Variants in ANKRD55 observed in about 807,000 individuals in gnomAD.
ANKRD55 encodes the protein ankyrin repeat domain-containing protein 55.
ANKRD55 carries 41 observed loss-of-function variants against 60.6 expected under a neutral mutation model. That is an observed-to-expected ratio of 0.68 (90% CI 0.53 to 0.88). ANKRD55 has a LOEUF of 0.88. ANKRD55 is among the 40% of genes least tolerant of loss of function. The pLI, the probability that ANKRD55 is intolerant of heterozygous loss-of-function variation, is 0.00. For synonymous variants in ANKRD55, 264 were observed against 290.3 expected, an observed-to-expected ratio of 0.91 and a Z score of 0.92; for missense variants, 732 against 767.6, an observed-to-expected ratio of 0.95 and a Z score of 0.55.
chr5:56,129,087 G>T (rs146466021), intron 7 of ANKRD55, among the ~76,000 whole-genome samples: 3 of 152,190 alleles, frequency 2.0e-5, no homozygotes, highest in Non-Finnish European at 4.4e-5. Context: ...ACACTAGTTT[G>T]TAAGTCAAGG....
chr5:56,219,039 G>A (rs915478676), intron 2 of ANKRD55, among the ~76,000 whole-genome samples: 5 of 152,042 alleles, frequency 3.3e-5, no homozygotes, highest in South Asian at 2.1e-4. Context: ...TTGGGAGGCC[G>A]AGGCGGGCGG....
chr5:56,217,845 G>A (rs1392648673), intron 2 of ANKRD55, among the ~76,000 whole-genome samples: 4 of 151,120 alleles, frequency 2.6e-5, no homozygotes, highest in Admixed American at 6.6e-5. Flanking sequence ...GCAGTGAGCC[G>A]AGATTGTGCC....
intron 2 of ANKRD55, among the ~76,000 whole-genome samples, chr5:56,204,474 C>A (rs999047568): frequency 1.3e-5 from 2 of 152,148 alleles, no homozygotes; most frequent in African/African-American, 2.4e-5. Flanking sequence ...ACATATAATT[C>A]TTTAATCCAT....
chr5:56,153,376 T>C (rs928523885), intron 6 of ANKRD55, among the ~76,000 whole-genome samples: 2 of 152,208 alleles, frequency 1.3e-5, no homozygotes, highest in Non-Finnish European at 2.9e-5. Context: ...ATTATTCTTT[T>C]AAGAGAAATG....
chr5:56,151,883 A>G (rs1758059262), intron 6 of ANKRD55, among the ~76,000 whole-genome samples: 1 of 149,858 alleles, frequency 6.7e-6, no homozygotes, highest in African/African-American at 2.4e-5. Context: ...GTATATATAC[A>G]TATACATACA....
chr5:56,230,010 G>A (rs972541390), intron 2 of ANKRD55, among the ~76,000 whole-genome samples: 2 of 152,222 alleles, frequency 1.3e-5, no homozygotes, highest in African/African-American at 4.8e-5. Flanking sequence ...TTCCCAAGGA[G>A]TGTTGGTTGG....
intron 8 of ANKRD55, among the ~76,000 whole-genome samples, chr5:56,117,361 A>G (rs961335001): frequency 6.6e-6 from 1 of 152,164 alleles, no homozygotes; most frequent in Admixed American, 6.5e-5. Flanking sequence ...ACTAATTTGT[A>G]TGTGCTCTTT....
At chr5:56,189,642 A>C (rs1019795627) in intron 2 of ANKRD55, among the ~76,000 whole-genome samples, 2 of 152,204 alleles carry the variant, frequency 1.3e-5, no homozygotes, top group African/African-American at 4.8e-5. Flanking sequence ...CATGTTGTAG[A>C]ATGTGTCAGA....
chr5:56,210,967 C>T (rs1047081374), intron 2 of ANKRD55, among the ~76,000 whole-genome samples: 1 of 152,158 alleles, frequency 6.6e-6, no homozygotes, highest in African/African-American at 2.4e-5. Flanking sequence ...TTAGAGGAGG[C>T]TCCTCCTGTA....
intron 2 of ANKRD55, among the ~76,000 whole-genome samples, chr5:56,199,080 AAAACAAAC>A (rs56703145): frequency 6.7e-6 from 1 of 150,214 alleles, no homozygotes; most frequent in Admixed American, 6.6e-5. Context: ...ACTCTGTCTC[AAAACAAAC>A]AAACAAACAA....
At chr5:56,116,390 A>G (rs930947052) in intron 9 of ANKRD55, among the ~76,000 whole-genome samples, 5 of 152,238 alleles carry the variant, frequency 3.3e-5, no homozygotes, top group Non-Finnish European at 5.9e-5. Flanking sequence ...ATGGATTTGG[A>G]TTCACTACTA....
chr5:56,190,770 G>A (rs1759076488), intron 2 of ANKRD55, among the ~76,000 whole-genome samples: 1 of 152,142 alleles, frequency 6.6e-6, no homozygotes, highest in Non-Finnish European at 1.5e-5. Context: ...GAGGAAATCA[G>A]GCCAAACTCA....
intron 2 of ANKRD55, among the ~76,000 whole-genome samples, chr5:56,219,999 G>A (rs984744916): frequency 1.3e-5 from 2 of 152,238 alleles, no homozygotes; most frequent in Non-Finnish European, 2.9e-5. Flanking sequence ...ATGACAGGAA[G>A]AGCTCAGCAT....
chr5:56,155,074 A>G (rs1323333051), intron 6 of ANKRD55, among the ~76,000 whole-genome samples: 1 of 152,142 alleles, frequency 6.6e-6, no homozygotes, highest in East Asian at 1.9e-4. Context: ...CTCTACCAAA[A>G]ACAAAAAATG....
intron 2 of ANKRD55, among the ~76,000 whole-genome samples, chr5:56,188,301 CT>C (rs1230461405): frequency 1.3e-5 from 2 of 152,060 alleles, no homozygotes; most frequent in Non-Finnish European, 2.9e-5. Context: ...TGACATCTTT[CT>C]CTTACCAGAG....
intron 7 of ANKRD55, chr5:56,137,199 C>A: frequency 1.2e-6 from 2 of 1,609,690 alleles, no homozygotes; most frequent in Non-Finnish European, 8.5e-7. Flanking sequence ...CCAGGCCAAG[C>A]AGTGGGGCTG....
At chr5:56,231,594 G>A (rs1760253284) in intron 2 of ANKRD55, among the ~76,000 whole-genome samples, 1 of 151,674 alleles carries the variant, frequency 6.6e-6, no homozygotes, top group Non-Finnish European at 1.5e-5. Flanking sequence ...CTGTGACAAC[G>A]CCTTTCTCTA....
chr5:56,109,061 A>ACACG (rs1396523034), intron 10 of ANKRD55, among the ~76,000 whole-genome samples: 90 of 151,836 alleles, frequency 5.9e-4, no homozygotes, highest in African/African-American at 2.1e-3. Context: ...ACACACACAC[A>ACACG]CACACACACA....
At chr5:56,207,102 C>A (rs1018119940) in intron 2 of ANKRD55, among the ~76,000 whole-genome samples, 1 of 152,216 alleles carries the variant, frequency 6.6e-6, no homozygotes, top group East Asian at 1.9e-4. Flanking sequence ...TCTATCCTCT[C>A]CTCCCCTTCC....
Sources: allele counts gnomAD v4.1 joint callset (sites outside exome capture counted in the v4.1 genomes callset), GRCh38; gene constraint gnomAD v4.1.1; transcripts MANE v1.5; gene names NCBI Gene and HGNC (gene_info 2026-07-23, HGNC 2026-07-21).